PTPN14: variants seen among roughly 807,000 people sequenced by gnomAD.
The protein encoded by PTPN14 is protein tyrosine phosphatase non-receptor type 14, also known as tyrosine-protein phosphatase non-receptor type 14.
In PTPN14, 53 loss-of-function variants were observed where a neutral mutation model predicts 126.8. That is an observed-to-expected ratio of 0.42 (90% CI 0.34 to 0.53). The LOEUF is 0.53. Ranked by LOEUF, PTPN14 falls within the 20% of genes least tolerant of loss-of-function variation. The pLI, the probability that PTPN14 is intolerant of heterozygous loss-of-function variation, is 0.08. For missense variants in PTPN14, 1,257 were observed against 1,552.9 expected, an observed-to-expected ratio of 0.81 and a Z score of 3.20; for synonymous variants, 630 against 599.3, an observed-to-expected ratio of 1.05 and a Z score of -0.75.
intron 5 of PTPN14, among the ~76,000 whole-genome samples, chr1:214,410,796 T>C (rs575403312): frequency 2.0e-5 from 3 of 152,282 alleles, no homozygotes; most frequent in Admixed American, 2.0e-4. Flanking sequence ...TGTTCTATTC[T>C]TTTCCATTGG....
intron 10 of PTPN14, among the ~76,000 whole-genome samples, chr1:214,391,902 T>A (rs561899675): frequency 2.0e-5 from 3 of 152,300 alleles, no homozygotes; most frequent in African/African-American, 7.2e-5. Flanking sequence ...ATCAGACCTA[T>A]GTTATATATA....
In PTPN14 at chr1:214,532,616, T is replaced by A. The variant is rs141144651; in HGVS notation, c.-155+18567A>T. 1,206 of 919,126 alleles carry A rather than the reference T, an allele frequency of 1.3e-3. 15 individuals are homozygous for A. In the African/African-American group the frequency reaches 0.018, roughly 14 times the overall value. 56.9% of individuals were successfully genotyped at this position (919,126 alleles called of 1,614,324 possible). Reference sequence around the variant, plus strand: ...AGGGCTCAGATCTTAGCAAATACTGTGGACAATGCCTGCATCGTTCTGCAG... The same window carrying A: ...AGGGCTCAGATCTTAGCAAATACTGAGGACAATGCCTGCATCGTTCTGCAG... On this transcript the variant is annotated intron_variant, in intron 1 of 18. Coordinates refer to ENST00000366956, the MANE Select transcript of PTPN14 (RefSeq NM_005401.5).
At chr1:214,439,231 A>G (rs1212240257) in intron 3 of PTPN14, among the ~76,000 whole-genome samples, 1 of 152,212 alleles carries the variant, frequency 6.6e-6, no homozygotes, top group Non-Finnish European at 1.5e-5. Flanking sequence ...ATTTTCCATC[A>G]GTATCCTCAT....
intron 1 of PTPN14, among the ~76,000 whole-genome samples, chr1:214,520,065 A>AAAATATATATATAT: frequency 8.4e-5 from 6 of 71,112 alleles, no homozygotes; most frequent in East Asian, 4.8e-4. Flanking sequence ...AAAAAAAAAA[A>AAAATATATATATAT]ATATATATAT....
intron 16 of PTPN14, among the ~76,000 whole-genome samples, chr1:214,369,926 T>C (rs953791728): frequency 6.6e-6 from 1 of 152,142 alleles, no homozygotes; most frequent in African/African-American, 2.4e-5. Flanking sequence ...CGAGGTGCAG[T>C]AGAATGTTAG....
intron 3 of PTPN14, among the ~76,000 whole-genome samples, chr1:214,429,878 T>G (rs753733400): frequency 9.2e-5 from 14 of 152,334 alleles, no homozygotes; most frequent in Admixed American, 5.9e-4. Context: ...GAAAAGGAAT[T>G]TATTTTATAA....
intron 1 of PTPN14, among the ~76,000 whole-genome samples, chr1:214,547,324 C>T (rs1194958349): frequency 6.6e-6 from 1 of 152,196 alleles, no homozygotes; most frequent in Non-Finnish European, 1.5e-5. Context: ...CAGCCCTGCA[C>T]GCAATCCTGC....
intron 2 of PTPN14, among the ~76,000 whole-genome samples, chr1:214,461,217 T>G (rs1010403802): frequency 1.3e-5 from 2 of 152,270 alleles, no homozygotes; most frequent in East Asian, 3.9e-4. Context: ...ATAAAAAAAT[T>G]TTAATCCACC....
At chr1:214,435,108 A>G (rs576660586) in intron 3 of PTPN14, among the ~76,000 whole-genome samples, 1 of 152,342 alleles carries the variant, frequency 6.6e-6, no homozygotes, top group East Asian at 1.9e-4. Flanking sequence ...TTAAAAATAT[A>G]GGAGTACTTC....
intron 1 of PTPN14, among the ~76,000 whole-genome samples, chr1:214,498,682 T>C (rs1571624827): frequency 6.6e-6 from 1 of 152,234 alleles, no homozygotes. Flanking sequence ...AAGCCAATAG[T>C]CTACACGGCA....
intron 2 of PTPN14, among the ~76,000 whole-genome samples, chr1:214,461,057 G>C (rs1006117720): frequency 6.6e-6 from 1 of 151,840 alleles, no homozygotes; most frequent in Admixed American, 6.6e-5. Context: ...CGGGGCCAGG[G>C]GTATATGGAA....
intron 1 of PTPN14, among the ~76,000 whole-genome samples, chr1:214,546,807 T>C (rs376593659): frequency 7.9e-5 from 12 of 152,262 alleles, no homozygotes; most frequent in African/African-American, 2.9e-4. Context: ...ATTTAGCCCC[T>C]AAGGAAACTA....
chr1:214,393,885 A>C, intron 9 of PTPN14, 108 bp from the exon 10 acceptor site: 245 of 871,210 alleles, frequency 2.8e-4, no homozygotes, highest in Non-Finnish European at 3.6e-4. Flanking sequence ...CCTTCATCTC[A>C]AGCACAAAAT....
chr1:214,456,694 G>A (rs1660390819), intron 2 of PTPN14, among the ~76,000 whole-genome samples: 1 of 152,108 alleles, frequency 6.6e-6, no homozygotes, highest in Admixed American at 6.6e-5. Context: ...AGAATACACA[G>A]AAAGATGAAG....
At chr1:214,409,137 G>A (rs1297439015) in intron 5 of PTPN14, among the ~76,000 whole-genome samples, 1 of 152,076 alleles carries the variant, frequency 6.6e-6, no homozygotes, top group Non-Finnish European at 1.5e-5. Context: ...TAGCAATTTT[G>A]AAATACACAT....
rs971631250 is a variant in PTPN14, at chr1:214,517,527, C to T, written c.-155+33656G>A. On this transcript the variant is annotated intron_variant, in intron 1 of 18. Transcript: ENST00000366956. ...CATAAAGTAAGAAATACCCAAAAAT[C>T]TAATCATAGCACTAGCCAGAGGCCA... 4.0e-5 allele frequency among the ~76,000 whole-genome samples: 6 copies of T among 149,746 alleles called. No homozygotes were observed. The South Asian group carries it at 1.3e-3, about 32-fold the overall frequency.
At position 214,530,583 on chromosome 1, in the gene PTPN14, C is replaced by T. The variant is rs539295710; in HGVS notation, c.-155+20600G>A. On this transcript the variant is annotated intron_variant, in intron 1 of 18. Coordinates refer to ENST00000366956, the MANE Select transcript of PTPN14 (RefSeq NM_005401.5). Reference sequence around the variant, plus strand: ...TCTCGAACTCCTGGGCTCAAGCAATCCACCCACACTGACCTCCCTAAGTGC... The same window carrying T: ...TCTCGAACTCCTGGGCTCAAGCAATTCACCCACACTGACCTCCCTAAGTGC... 4.6e-5 allele frequency: 7 copies of T among 152,360 alleles called. No homozygotes were observed. The East Asian group carries it at 1.3e-3, about 29-fold the overall frequency. 9.4% of individuals were successfully genotyped at this position (152,360 alleles called of 1,614,324 possible).
At chr1:214,455,707 G>A (rs925852834) in intron 2 of PTPN14, among the ~76,000 whole-genome samples, 4 of 152,166 alleles carry the variant, frequency 2.6e-5, no homozygotes, top group African/African-American at 9.7e-5. Context: ...TTTTATGTGA[G>A]CAGCTTCCTC....
chr1:214,477,508 T>C (rs1346704314), intron 1 of PTPN14, among the ~76,000 whole-genome samples: 1 of 152,194 alleles, frequency 6.6e-6, no homozygotes, highest in African/African-American at 2.4e-5. Flanking sequence ...CTCAGTGATA[T>C]TACAAAGAAA....
Sources: gnomAD v4.1 joint callset for allele counts (sites outside exome capture counted in the v4.1 genomes callset) on GRCh38, gnomAD v4.1.1 for gene constraint, MANE v1.5 for transcripts, NCBI Gene and HGNC (gene_info 2026-07-23, HGNC 2026-07-21) for gene names.